BNC2: variants seen among roughly 807,000 people sequenced by gnomAD.
BNC2 encodes the protein zinc finger protein basonuclin-2.
A neutral mutation model predicts 76.3 loss-of-function variants in BNC2; 20 were observed. That is an observed-to-expected ratio of 0.26 (90% CI 0.18 to 0.38). BNC2 has a LOEUF of 0.38. Among genes scored for constraint, BNC2 ranks in the 10% least tolerant of loss-of-function variants. BNC2 has a pLI of 1.00. For missense variants in BNC2, 1,382 were observed against 1,399.8 expected, an observed-to-expected ratio of 0.99 and a Z score of 0.20; for synonymous variants, 582 against 514.8, an observed-to-expected ratio of 1.13 and a Z score of -1.77.
intron 5 of BNC2, among the ~76,000 whole-genome samples, chr9:16,468,673 G>A (rs1411389646): frequency 1.3e-5 from 2 of 152,032 alleles, no homozygotes; most frequent in Admixed American, 6.5e-5. Flanking sequence ...TTACAGGTGT[G>A]AGCCACCACA....
intron 3 of BNC2, among the ~76,000 whole-genome samples, chr9:16,702,313 G>A (rs1300367660): frequency 6.6e-6 from 1 of 152,178 alleles, no homozygotes; most frequent in Non-Finnish European, 1.5e-5. Context: ...AAATGCTAAT[G>A]ACTATAAGGC....
intron 5 of BNC2, among the ~76,000 whole-genome samples, chr9:16,451,501 C>T (rs1821339219): frequency 6.6e-6 from 1 of 152,118 alleles, no homozygotes. Flanking sequence ...TCTGAAGTCC[C>T]CTCAATATAG....
chr9:16,781,596 G>A (rs1440994718), intron 1 of BNC2, among the ~76,000 whole-genome samples: 1 of 152,166 alleles, frequency 6.6e-6, no homozygotes, highest in Non-Finnish European at 1.5e-5. Context: ...GCCCGCCCTG[G>A]CCTCCCAAAG....
chr9:16,732,457 T>G (rs1474016595), intron 2 of BNC2, among the ~76,000 whole-genome samples: 2 of 152,208 alleles, frequency 1.3e-5, no homozygotes, highest in Non-Finnish European at 2.9e-5. Flanking sequence ...ACTGAGAAAG[T>G]ACTCTAGGAT....
At chr9:16,619,940 C>A (rs1820817876) in intron 3 of BNC2, among the ~76,000 whole-genome samples, 1 of 152,146 alleles carries the variant, frequency 6.6e-6, no homozygotes, top group African/African-American at 2.4e-5. Context: ...TTGCATGATG[C>A]TTTCAGTGGA....
At chr9:16,624,118 T>A (rs940511455) in intron 3 of BNC2, among the ~76,000 whole-genome samples, 2 of 152,214 alleles carry the variant, frequency 1.3e-5, no homozygotes, top group Non-Finnish European at 2.9e-5. Flanking sequence ...AGCAAGGAGC[T>A]TCCAGAAACC....
At chr9:16,647,095 A>G (rs1470922672) in intron 3 of BNC2, among the ~76,000 whole-genome samples, 1 of 152,180 alleles carries the variant, frequency 6.6e-6, no homozygotes, top group Non-Finnish European at 1.5e-5. Context: ...CTGGTTGTAG[A>G]TGATATTTCC....
At chr9:16,867,342 T>G (rs985686108) in intron 1 of BNC2, 2 of 151,726 alleles carry the variant, frequency 1.3e-5, no homozygotes, top group African/African-American at 2.4e-5. Context: ...AATGACTTTT[T>G]TATTGTTTAA....
intron 1 of BNC2, among the ~76,000 whole-genome samples, chr9:16,753,915 A>C (rs1825297934): frequency 6.6e-6 from 1 of 152,144 alleles, no homozygotes; most frequent in Non-Finnish European, 1.5e-5. Flanking sequence ...CTGAATGTCT[A>C]TGCCTTACTG....
chr9:16,707,062 C>T lies in BNC2; in HGVS notation c.330+20735G>A, dbSNP rs993203900. ...CTAAAAATACAAAAAATTAGCCGGG[C>T]GTGATGGTGGGCGCCTGTAGTCCCA... On this transcript the variant is annotated intron_variant, in intron 3 of 6. Transcript: ENST00000380672. 5.3e-5 allele frequency among the ~76,000 whole-genome samples: 8 copies of T among 152,006 alleles called. No individual in the cohort carries two copies. The East Asian group carries it at 7.7e-4, about 15-fold the overall frequency.
chr9:16,799,048 G>A (rs773057034), intron 1 of BNC2, among the ~76,000 whole-genome samples: 2 of 152,062 alleles, frequency 1.3e-5, no homozygotes, highest in African/African-American at 2.4e-5. Flanking sequence ...AAGGTTCTGG[G>A]ATCTGCAATT....
chr9:16,800,726 T>C (rs1817760830), intron 1 of BNC2, among the ~76,000 whole-genome samples: 2 of 152,208 alleles, frequency 1.3e-5, no homozygotes, highest in Non-Finnish European at 2.9e-5. Flanking sequence ...CTAGTGATTT[T>C]AAATGCCCTG....
At chr9:16,767,577 A>T (rs1272444924) in intron 1 of BNC2, among the ~76,000 whole-genome samples, 1 of 152,202 alleles carries the variant, frequency 6.6e-6, no homozygotes, top group Non-Finnish European at 1.5e-5. Context: ...TAGAAGCCAA[A>T]TGAGGCACTG....
At chr9:16,473,832 C>G (rs1002448872) in intron 5 of BNC2, among the ~76,000 whole-genome samples, 8 of 152,068 alleles carry the variant, frequency 5.3e-5, no homozygotes, top group Non-Finnish European at 8.8e-5. Context: ...GAGATTGTGC[C>G]ACTGCACTCC....
chr9:16,523,190 G>T (rs1249667480), intron 5 of BNC2, among the ~76,000 whole-genome samples: 2 of 152,172 alleles, frequency 1.3e-5, no homozygotes, highest in African/African-American at 4.8e-5. Flanking sequence ...TAAAACAACT[G>T]GCCGGACGCG....
At chr9:16,732,860 T>C (rs1348140744) in intron 2 of BNC2, among the ~76,000 whole-genome samples, 1 of 152,230 alleles carries the variant, frequency 6.6e-6, no homozygotes, top group Non-Finnish European at 1.5e-5. Context: ...CTCAAGCTTT[T>C]GTAATTCATT....
At chr9:16,676,998 A>G (rs1822663021) in intron 3 of BNC2, among the ~76,000 whole-genome samples, 1 of 152,244 alleles carries the variant, frequency 6.6e-6, no homozygotes, top group South Asian at 2.1e-4. Context: ...TGTTCTTTAG[A>G]TTCCTTATTT....
chr9:16,678,479 C>G (rs868589097), intron 3 of BNC2, among the ~76,000 whole-genome samples: 3 of 151,594 alleles, frequency 2.0e-5, no homozygotes, highest in African/African-American at 7.3e-5. Flanking sequence ...CCATGTTGCC[C>G]AGGCTGCTCT....
rs1820662761 is a variant in BNC2, at chr9:16,419,436, T to G, written c.2853A>C (p.Arg951Ser). ...TEDSHLNGYGRGMAEDYMVLD... is the reference protein window; with the variant it reads ...TEDSHLNGYGSGMAEDYMVLD... ...GGACCATGTAGTCCTCTGCCATGCC[T>G]CTCCCATACCCGTTCAGGTGGGAGT... Residue 951 changes from arginine to serine, a missense_variant, in exon 7 of 7, where the codon AGA becomes AGC. By Grantham distance (110) the Arg-to-Ser change is moderately radical. Around this residue, in one of 3 missense-constraint regions of BNC2, gnomAD observed 798 missense variants for 775.5 expected, o/e 1.03. Coordinates refer to ENST00000380672, the MANE Select transcript of BNC2 (RefSeq NM_017637.6). 1 of 1,609,530 alleles carries G rather than the reference T, an allele frequency of 6.2e-7. No individual in the cohort carries two copies. Among genetic ancestry groups the G allele is most frequent in the East Asian group, 2.2e-5 (1 of 44,786 alleles).
Sources: allele counts gnomAD v4.1 joint callset (sites outside exome capture counted in the v4.1 genomes callset), GRCh38; gene constraint gnomAD v4.1.1; regional missense constraint gnomAD v4.1.1; transcripts MANE v1.5; gene names NCBI Gene and HGNC (gene_info 2026-07-23, HGNC 2026-07-21).